The following KCNIP1 variants were observed in gnomAD, a reference collection of about 807,000 sequenced individuals.
The protein encoded by KCNIP1 is potassium voltage-gated channel interacting protein 1, also known as A-type potassium channel modulatory protein KCNIP1.
A neutral mutation model predicts 33.0 loss-of-function variants in KCNIP1; 18 were observed. That is an observed-to-expected ratio of 0.55 (90% CI 0.38 to 0.81). The LOEUF (loss-of-function observed/expected upper bound fraction) is 0.81, where lower values mean the gene tolerates loss of function less well. Ranked by LOEUF, KCNIP1 falls within the 30% of genes least tolerant of loss-of-function variation. The pLI is 0.00. For synonymous variants in KCNIP1, 93 were observed against 98.3 expected (o/e 0.95, Z 0.32); for missense variants, 238 against 271.6 (o/e 0.88, Z 0.87).
rs1437315977 is a variant in KCNIP1, at chr5:170,608,852, C to G, written c.61+104219C>G. On this transcript the variant is annotated intron_variant, in intron 1 of 7. Transcript: ENST00000328939. ...TGGCCACAAAGTCATATTACTCCCC[C>G]CTTACTCTGTAAAATCTCCTTTGCT... 7.2e-5 allele frequency among the ~76,000 whole-genome samples: 11 copies of G among 152,284 alleles called. No individual in the cohort carries two copies. In the South Asian group the frequency reaches 1.5e-3, roughly 20 times the overall value.
intron 1 of KCNIP1, among the ~76,000 whole-genome samples, chr5:170,429,249 G>A (rs1172991812): frequency 6.6e-6 from 1 of 152,016 alleles, no homozygotes; most frequent in Non-Finnish European, 1.5e-5. Flanking sequence ...GGCTAGACTG[G>A]GCATGCCGTT....
intron 1 of KCNIP1, among the ~76,000 whole-genome samples, chr5:170,478,595 C>T (rs1756908286): frequency 1.3e-5 from 2 of 152,146 alleles, no homozygotes; most frequent in South Asian, 4.2e-4. Flanking sequence ...CCACCATGGT[C>T]AGTTTCCCCG....
At chr5:170,586,242 A>C (rs771993725) in intron 1 of KCNIP1, among the ~76,000 whole-genome samples, 3 of 152,196 alleles carry the variant, frequency 2.0e-5, no homozygotes, top group Non-Finnish European at 4.4e-5. Flanking sequence ...GTATCCTCCA[A>C]ATGCATGACT....
intron 1 of KCNIP1, among the ~76,000 whole-genome samples, chr5:170,600,916 A>G (rs573316492): frequency 1.2e-4 from 18 of 152,330 alleles, no homozygotes; most frequent in African/African-American, 4.1e-4. Flanking sequence ...CAGATGGCCA[A>G]TGAATGTTTG....
At chr5:170,554,760 C>T (rs1489031726) in intron 1 of KCNIP1, among the ~76,000 whole-genome samples, 5 of 152,184 alleles carry the variant, frequency 3.3e-5, no homozygotes, top group South Asian at 2.1e-4. Flanking sequence ...CTCTGTTTAT[C>T]GGTTCTCTTC....
rs983615307 is a variant in KCNIP1 at position 170,627,110 on chromosome 5, C to G, written c.62-91648C>G. Among the ~76,000 whole-genome samples, 5 of 152,170 alleles carry G rather than the reference C, an allele frequency of 3.3e-5. No individual in the cohort carries two copies. The South Asian group carries it at 1.0e-3, about 32-fold the overall frequency. ...TGGCTCTGACGATGCATCCCTCCCC[C>G]ACGTTTTTTCTCTTCTTGTCTTGGA... On this transcript the variant is annotated intron_variant, in intron 1 of 7. Transcript: ENST00000328939.
At position 170,694,472 on chromosome 5, in the gene KCNIP1, A is replaced by T. The variant is rs531869648; in HGVS notation, c.62-24286A>T. The stretch of plus-strand genomic sequence containing the variant: ...TGTCATCACAGAGACTGAAATGAGG[A>T]GATGGTCTCTGTCACCCCCTCACTC... On this transcript the variant is annotated intron_variant, in intron 1 of 7. Coordinates refer to ENST00000328939, the MANE Select transcript of KCNIP1 (RefSeq NM_014592.4). 5.9e-5 allele frequency among the ~76,000 whole-genome samples: 9 copies of T among 152,276 alleles called. 1 individual carries two copies. In the South Asian group the frequency reaches 1.9e-3, roughly 32 times the overall value.
At chr5:170,425,141 T>C (rs1335476496) in intron 1 of KCNIP1, among the ~76,000 whole-genome samples, 1 of 152,236 alleles carries the variant, frequency 6.6e-6, no homozygotes, top group Non-Finnish European at 1.5e-5. Flanking sequence ...CACTGAACAC[T>C]GTCTCTATTT....
rs186574010 is a variant in KCNIP1 at position 170,507,065 on chromosome 5, A to G, written c.61+2432A>G. 2.3e-3 allele frequency among the ~76,000 whole-genome samples: 354 copies of G among 152,332 alleles called. 2 individuals carry two copies. Among genetic ancestry groups the G allele is most frequent in the Non-Finnish European group, 2.8e-3 (190 of 68,022 alleles). On this transcript the variant is annotated intron_variant, in intron 1 of 7. Transcript: ENST00000328939. ...GTAAAGGGAGAAACTTACATTAGGC[A>G]TTTCCTCAGGTTCCATTTGGTTCTC...
intron 1 of KCNIP1, among the ~76,000 whole-genome samples, chr5:170,672,309 G>C (rs927946963): frequency 6.6e-6 from 1 of 152,236 alleles, no homozygotes; most frequent in African/African-American, 2.4e-5. Context: ...CAGCATGGAA[G>C]GGACTGGCAT....
chr5:170,484,772 C>A (rs1415377206), intron 1 of KCNIP1, among the ~76,000 whole-genome samples: 1 of 151,604 alleles, frequency 6.6e-6, no homozygotes. Context: ...TCAAACCCTC[C>A]TCCACCTTTC....
At chr5:170,653,395 TTCA>T (rs199786374) in intron 1 of KCNIP1, among the ~76,000 whole-genome samples, 29 of 151,786 alleles carry the variant, frequency 1.9e-4, no homozygotes, top group South Asian at 6.3e-4. Flanking sequence ...CTCCTCACTC[TTCA>T]TCATCATCAT....
At chr5:170,594,400 G>T (rs1758370073) in intron 1 of KCNIP1, among the ~76,000 whole-genome samples, 1 of 152,168 alleles carries the variant, frequency 6.6e-6, no homozygotes, top group Non-Finnish European at 1.5e-5. Flanking sequence ...CCAGAAGAGG[G>T]GTATGGCCAT....
intron 1 of KCNIP1, among the ~76,000 whole-genome samples, chr5:170,385,701 C>CTTTGG (rs1764441738): frequency 1.1e-5 from 1 of 87,568 alleles, no homozygotes; most frequent in South Asian, 3.9e-4. Flanking sequence ...GGTAAAGTGA[C>CTTTGG]TTGCCCTAGG....
At chr5:170,666,512 G>A (rs755982705) in intron 1 of KCNIP1, among the ~76,000 whole-genome samples, 1 of 152,094 alleles carries the variant, frequency 6.6e-6, no homozygotes, top group Non-Finnish European at 1.5e-5. Flanking sequence ...GTCTGGTTTT[G>A]TTTATAATTA....
At chr5:170,387,870 A>T (rs1169449004) in intron 1 of KCNIP1, among the ~76,000 whole-genome samples, 2 of 152,328 alleles carry the variant, frequency 1.3e-5, no homozygotes, top group Middle Eastern at 3.4e-3. Context: ...GCCCCACCCC[A>T]GATACTGTGA....
intron 1 of KCNIP1, among the ~76,000 whole-genome samples, chr5:170,696,137 A>G (rs1005032031): frequency 6.6e-6 from 1 of 151,906 alleles, no homozygotes; most frequent in Non-Finnish European, 1.5e-5. Context: ...TAGTGTTCAT[A>G]GACTCTCCTT....
chr5:170,632,938 G>C (rs531019796), intron 1 of KCNIP1, among the ~76,000 whole-genome samples: 2 of 152,118 alleles, frequency 1.3e-5, no homozygotes, highest in African/African-American at 4.8e-5. Context: ...TCCCTCGCGT[G>C]GGGGTGGGTT....
chr5:170,540,368 C>A (rs980210544), intron 1 of KCNIP1, among the ~76,000 whole-genome samples: 1 of 152,228 alleles, frequency 6.6e-6, no homozygotes, highest in African/African-American at 2.4e-5. Context: ...AGTAAGCAGG[C>A]TGCTAGAGCC....
Sources: gnomAD v4.1 joint callset for allele counts (sites outside exome capture counted in the v4.1 genomes callset) on GRCh38, gnomAD v4.1.1 for gene constraint, MANE v1.5 for transcripts, NCBI Gene and HGNC (gene_info 2026-07-23, HGNC 2026-07-21) for gene names.